Variants in PRKACB observed in about 807,000 individuals in gnomAD.
PRKACB encodes the protein cAMP-dependent protein kinase catalytic subunit beta.
PRKACB carries 16 observed loss-of-function variants against 51.4 expected under a neutral mutation model. The observed-to-expected ratio is 0.31, with a 90% CI of 0.21 to 0.47. The LOEUF is 0.47. PRKACB is among the 20% of genes least tolerant of loss of function. PRKACB has a pLI of 1.00. For synonymous variants in PRKACB, 147 were observed against 154.4 expected (o/e 0.95, Z 0.35); for missense variants, 309 against 464.5 (o/e 0.67, Z 3.08).
chr1:84,202,268 A>G (rs1209365299), intron 7 of PRKACB, among the ~76,000 whole-genome samples: 3 of 152,010 alleles, frequency 2.0e-5, no homozygotes, highest in Non-Finnish European at 2.9e-5. Context: ...TTTTCTTTGA[A>G]AACTTTTGAT....
At chr1:84,161,552 T>C (rs979630309) in intron 1 of PRKACB, among the ~76,000 whole-genome samples, 3 of 151,814 alleles carry the variant, frequency 2.0e-5, no homozygotes, top group Non-Finnish European at 4.4e-5. Context: ...TCTACCACCT[T>C]CTTTTCTATT....
intron 1 of PRKACB, among the ~76,000 whole-genome samples, chr1:84,121,480 G>A (rs34495740): frequency 0.19 from 28,371 of 151,842 alleles, 3,302 homozygotes; most frequent in East Asian, 0.27. Context: ...CTTGCCAATC[G>A]TAGCTAAAAC....
rs1277874117 is a variant in PRKACB at position 84,236,819 on chromosome 1, G to T, written c.*1514G>T. ...CATCTGATTTTATCTCTGCGTTTCA[G>T]TGACCTACCTTAAAACAACACACGA... On this transcript the variant is annotated 3_prime_UTR_variant, in exon 10 of 10. Coordinates refer to ENST00000370685, the MANE Select transcript of PRKACB (RefSeq NM_182948.4). The T allele has an allele frequency of 6.6e-6, 1 of 152,468 alleles. No homozygotes were observed. The highest frequency in any genetic ancestry group is 6.6e-5 in the Admixed American group (1 of 15,266). 9.4% of individuals were successfully genotyped at this position (152,468 alleles called of 1,614,324 possible). A position where few individuals can be genotyped will look rare whatever the true frequency, so the allele number is the denominator to read the frequency against.
chr1:84,150,097 T>C (rs1175450836), intron 1 of PRKACB, among the ~76,000 whole-genome samples: 1 of 151,916 alleles, frequency 6.6e-6, no homozygotes, highest in African/African-American at 2.4e-5. Flanking sequence ...AAACCCTGTC[T>C]CTACTAAAAA....
intron 7 of PRKACB, among the ~76,000 whole-genome samples, chr1:84,199,436 G>A (rs894560411): frequency 6.6e-6 from 1 of 152,096 alleles, no homozygotes; most frequent in South Asian, 2.1e-4. Context: ...GTTTGCTGAG[G>A]ATGATAGCCT....
intron 1 of PRKACB, among the ~76,000 whole-genome samples, chr1:84,134,348 G>C (rs978636194): frequency 9.2e-5 from 4 of 43,598 alleles, no homozygotes; most frequent in Non-Finnish European, 3.0e-4. Context: ...GGCCTTCGCT[G>C]GGGACCCTGC....
chr1:84,101,002 T>A (rs949133411), intron 1 of PRKACB, among the ~76,000 whole-genome samples: 2,200 of 152,262 alleles, frequency 0.014, 52 homozygotes, highest in African/African-American at 0.05. Context: ...CATTTAGTTT[T>A]CTCCTTATTA....
intron 1 of PRKACB, among the ~76,000 whole-genome samples, chr1:84,131,776 T>C (rs932513752): frequency 6.6e-6 from 1 of 152,224 alleles, no homozygotes; most frequent in Non-Finnish European, 1.5e-5. Context: ...TTTGACAAAC[T>C]GCTGGAGGCT....
intron 7 of PRKACB, among the ~76,000 whole-genome samples, chr1:84,200,569 C>T (rs1669816835): frequency 6.6e-6 from 1 of 152,158 alleles, no homozygotes; most frequent in African/African-American, 2.4e-5. Flanking sequence ...ATTCTTATGT[C>T]CAGGGTGGCA....
intron 1 of PRKACB, among the ~76,000 whole-genome samples, chr1:84,108,335 C>T (rs766948715): frequency 1.7e-4 from 26 of 150,910 alleles, no homozygotes; most frequent in African/African-American, 7.3e-5. Context: ...GGGTGGAAGG[C>T]GGGAGGAGGG....
chr1:84,104,181 A>G (rs930643684), intron 1 of PRKACB, among the ~76,000 whole-genome samples: 2 of 152,168 alleles, frequency 1.3e-5, no homozygotes, highest in Admixed American at 6.5e-5. Context: ...ATCTACTTGT[A>G]TGAGCTCCAC....
intron 1 of PRKACB, chr1:84,164,181 C>A: frequency 9.4e-7 from 1 of 1,068,368 alleles, no homozygotes; most frequent in Non-Finnish European, 1.3e-6. Flanking sequence ...TTATTCTCTT[C>A]CATAACACAG....
intron 1 of PRKACB, among the ~76,000 whole-genome samples, chr1:84,087,213 T>G (rs143408437): frequency 5.8e-4 from 88 of 152,370 alleles, no homozygotes; most frequent in African/African-American, 1.9e-3. Context: ...AAGTCTATTC[T>G]GTGTGAATAA....
intron 7 of PRKACB, among the ~76,000 whole-genome samples, chr1:84,201,210 C>T (rs1670010570): frequency 6.6e-6 from 1 of 152,028 alleles, no homozygotes; most frequent in African/African-American, 2.4e-5. Flanking sequence ...AACACTATCA[C>T]TGGGTATACT....
chr1:84,140,069 A>G (rs1249490475), upstream of PRKACB, among the ~76,000 whole-genome samples: 1 of 152,156 alleles, frequency 6.6e-6, no homozygotes, highest in African/African-American at 2.4e-5. Context: ...CAAGAAAAAA[A>G]GGAAAAAAAA....
rs1648390664 is a variant in PRKACB, at chr1:84,090,716, G to A, written c.46+12345G>A. Among the ~76,000 whole-genome samples, 3 of 152,138 alleles carry A rather than the reference G, an allele frequency of 2.0e-5. 1 individual carries two copies. Among genetic ancestry groups the A allele is most frequent in the South Asian group, 4.1e-4 (2 of 4,832 alleles). On this transcript the variant is annotated intron_variant, in intron 1 of 8. Coordinates refer to the PRKACB transcript ENST00000370688. ...GGAGGGAGAGAGCCAGGTATAAGCT[G>A]TATCACCTTTTATGACCTAGCCTCC...
At chr1:84,216,939 A>G (rs1030491630) in intron 9 of PRKACB, among the ~76,000 whole-genome samples, 20 of 152,352 alleles carry the variant, frequency 1.3e-4, no homozygotes, top group African/African-American at 4.8e-4. Flanking sequence ...TACGTGTATC[A>G]TCTTCTTAAC....
At chr1:84,135,477 A>AT (rs1260335727) in intron 1 of PRKACB, among the ~76,000 whole-genome samples, 2 of 152,166 alleles carry the variant, frequency 1.3e-5, no homozygotes, top group African/African-American at 4.8e-5. Context: ...CAAAATATAC[A>AT]TTTTTTTCTT....
chr1:84,232,532 A>C (rs1675885130), intron 9 of PRKACB, among the ~76,000 whole-genome samples: 1 of 151,996 alleles, frequency 6.6e-6, no homozygotes, highest in Non-Finnish European at 1.5e-5. Context: ...TCCCATTATT[A>C]ATGTGTGGGA....
Sources: gnomAD v4.1 joint callset for allele counts (sites outside exome capture counted in the v4.1 genomes callset) on GRCh38, gnomAD v4.1.1 for gene constraint, MANE v1.5 for transcripts, NCBI Gene and HGNC (gene_info 2026-07-23, HGNC 2026-07-21) for gene names.